The following KRAS variants were observed in gnomAD, a reference collection of about 807,000 sequenced individuals.
The protein encoded by KRAS is KRas proto-oncogene, GTPase, also known as GTPase KRas.
KRAS carries 1 observed loss-of-function variant against 21.0 expected under a neutral mutation model. That is an observed-to-expected ratio of 0.05 (90% CI 0.02 to 0.23). The LOEUF (loss-of-function observed/expected upper bound fraction) is 0.23, where lower values mean the gene tolerates loss of function less well. Ranked by LOEUF, KRAS falls within the 10% of genes least tolerant of loss-of-function variation. The probability of loss-of-function intolerance (pLI) is 1.00; values close to 1 mark genes in which losing one functional copy is unlikely to be tolerated. For synonymous variants in KRAS, 67 were observed against 72.5 expected, an observed-to-expected ratio of 0.92 and a Z score of 0.39; for missense variants, 107 against 221.8, an observed-to-expected ratio of 0.48 and a Z score of 3.29.
chr12:25,250,908 CGCCGCCGCG>C lies in KRAS; in HGVS notation c.-178_-170del, dbSNP rs397517035. ...CCACTGCCGCCGCCGCTGCTGCCTC[CGCCGCCGCG>C]GCCGCCGCCTAGGAAAATCGAGCTC... On this transcript the variant is annotated 5_prime_UTR_variant, in exon 1 of 5. Transcript: ENST00000311936. 20 of 251,066 alleles carry C rather than the reference CGCCGCCGCG, an allele frequency of 8.0e-5. No homozygotes were observed. The highest frequency in any genetic ancestry group is 1.3e-4 in the Non-Finnish European group (18 of 133,416). 15.6% of individuals were successfully genotyped at this position (251,066 alleles called of 1,614,324 possible).
intron 4 of KRAS, among the ~76,000 whole-genome samples, chr12:25,220,788 G>C (rs1428983785): frequency 6.6e-6 from 1 of 151,590 alleles, no homozygotes; most frequent in East Asian, 1.9e-4. Flanking sequence ...ACACTGGGAG[G>C]CTCAGATGGG....
At chr12:25,212,681 A>ATGT (rs1388394433) in intron 4 of KRAS, among the ~76,000 whole-genome samples, 1 of 152,198 alleles carries the variant, frequency 6.6e-6, no homozygotes, top group African/African-American at 2.4e-5. Context: ...ATTCTCACAC[A>ATGT]TACACATAAC....
chr12:25,209,140 C>A lies in KRAS; in HGVS notation c.*655G>T, dbSNP rs1365396577. On this transcript the variant is annotated 3_prime_UTR_variant, in exon 5 of 5. Coordinates refer to ENST00000311936, the MANE Select transcript of KRAS (RefSeq NM_004985.5). ...TTTATCTAATGTGAAAAGGAAATGG[C>A]CTTATAATAGTTTCCATTGCCTTGT... 1.3e-5 allele frequency: 8 copies of A among 623,040 alleles called. No individual in the cohort carries two copies. In the East Asian group the frequency reaches 2.2e-4, roughly 17 times the overall value. 38.6% of individuals were successfully genotyped at this position (623,040 alleles called of 1,614,324 possible).
intron 4 of KRAS, among the ~76,000 whole-genome samples, chr12:25,223,657 GA>G: frequency 6.6e-6 from 1 of 152,266 alleles, no homozygotes; most frequent in South Asian, 2.1e-4. Flanking sequence ...GTATAACTAG[GA>G]AGAGGTACAT....
At chr12:25,228,412 G>C (rs11047904) in intron 2 of KRAS, among the ~76,000 whole-genome samples, 29,631 of 151,662 alleles carry the variant, frequency 0.2, 2,968 homozygotes, top group Middle Eastern at 0.23. Flanking sequence ...ACCACTTCTG[G>C]TCACAACCAT....
chr12:25,232,734 C>A (rs1041399134), intron 2 of KRAS, among the ~76,000 whole-genome samples: 5 of 152,220 alleles, frequency 3.3e-5, no homozygotes, highest in African/African-American at 1.2e-4. Flanking sequence ...TCCCCATAGT[C>A]CCCCCACTCC....
chr12:25,236,190 G>A (rs1462525760), intron 2 of KRAS, among the ~76,000 whole-genome samples: 1 of 152,042 alleles, frequency 6.6e-6, no homozygotes, highest in Non-Finnish European at 1.5e-5. Flanking sequence ...AGGGTCATGT[G>A]TATATTAAGT....
chr12:25,208,591 TTTG>T lies in KRAS; in HGVS notation c.*1201_*1203del, dbSNP rs1951168149. 1 of 232,734 alleles carries T rather than the reference TTTG, an allele frequency of 4.3e-6. No homozygotes were observed. 14.4% of individuals were successfully genotyped at this position (232,734 alleles called of 1,614,324 possible). A position where few individuals can be genotyped will look rare whatever the true frequency, so the allele number is the denominator to read the frequency against. ...TTTAAAAGTAATTTTTAAAAAAGAG[TTTG>T]TTTTCTTAAGAAACAAAAGCAATGC... On this transcript the variant is annotated 3_prime_UTR_variant, in exon 5 of 5. Coordinates refer to ENST00000311936, the MANE Select transcript of KRAS (RefSeq NM_004985.5).
chr12:25,248,398 C>G (rs529163734), intron 1 of KRAS, among the ~76,000 whole-genome samples: 2 of 149,902 alleles, frequency 1.3e-5, no homozygotes, highest in Non-Finnish European at 3.0e-5. Context: ...AGTAGCGGGC[C>G]GAGATCGCGC....
intron 2 of KRAS, chr12:25,234,917 A>G: frequency 8.0e-6 from 2 of 250,424 alleles, no homozygotes; most frequent in Non-Finnish European, 7.7e-6. Flanking sequence ...ACTATATTGT[A>G]GTAAACAAAA....
At position 25,249,591 on chromosome 12, in the gene KRAS, C is replaced by CAA. The variant is rs71065929; in HGVS notation, c.-12+1158_-12+1159dup. Among the ~76,000 whole-genome samples the CAA allele has an allele frequency of 1.6e-3, 98 of 60,834 alleles. 4 individuals are homozygous for CAA. Among genetic ancestry groups the CAA allele is most frequent in the South Asian group, 4.1e-3 (5 of 1,214 alleles). 39.9% of individuals were successfully genotyped at this position (60,834 alleles called of 152,430 possible). On this transcript the variant is annotated intron_variant, in intron 1 of 4. Transcript: ENST00000311936. ...TGGGCAACAGAGCGAGACTGTGTCT[C>CAA]AAAAAAAAAAAAAAAAAGGAGATGC...
At position 25,209,295 on chromosome 12, in the gene KRAS, A is replaced by G. The variant is rs61763588; in HGVS notation, c.*500T>C. Reference sequence around the variant, plus strand: ...TAACTTTACATTCATCAGGGATGACAAACTATAGGACATGATGCCTAGAAG... The same window carrying G: ...TAACTTTACATTCATCAGGGATGACGAACTATAGGACATGATGCCTAGAAG... On this transcript the variant is annotated 3_prime_UTR_variant, in exon 5 of 5. Coordinates refer to ENST00000311936, the MANE Select transcript of KRAS (RefSeq NM_004985.5). 9.9e-4 allele frequency: 644 copies of G among 648,066 alleles called. No individual in the cohort carries two copies. Among genetic ancestry groups the G allele is most frequent in the Non-Finnish European group, 1.6e-3 (568 of 362,940 alleles). The allele number at this position is 648,066 out of a possible 1,614,324, so 40.1% of individuals were successfully genotyped here.
chr12:25,242,244 C>T (rs1188967379), intron 2 of KRAS, among the ~76,000 whole-genome samples: 2 of 152,084 alleles, frequency 1.3e-5, no homozygotes, highest in African/African-American at 4.8e-5. Flanking sequence ...GGAAAAAATA[C>T]TTCCTGCTAT....
At position 25,247,771 on chromosome 12, in the gene KRAS, T is replaced by G. The variant is rs148256901; in HGVS notation, c.-11-2376A>C. 3.2e-4 allele frequency among the ~76,000 whole-genome samples: 48 copies of G among 152,340 alleles called. 1 individual carries two copies. The highest frequency in any genetic ancestry group is 1.1e-3 in the African/African-American group (45 of 41,586). ...AGATGTGTGATCATAATAGATTGAA[T>G]GCAGATGCAGATATAAGAATCCATA... On this transcript the variant is annotated intron_variant, in intron 1 of 4. Coordinates refer to ENST00000311936, the MANE Select transcript of KRAS (RefSeq NM_004985.5).
chr12:25,250,718 GCA>G (rs1951757469), intron 1 of KRAS, 31 bp downstream of exon 1: 1 of 185,296 alleles, frequency 5.4e-6, no homozygotes, highest in Non-Finnish European at 1.1e-5. Flanking sequence ...CGGGACCCGG[GCA>G]GGGGCCCAGG....
intron 4 of KRAS, chr12:25,211,276 A>G (rs1951198032): frequency 6.6e-6 from 1 of 152,236 alleles, no homozygotes; most frequent in African/African-American, 2.4e-5. Flanking sequence ...CTTGAAATTA[A>G]TTTAAAATGT....
intron 4 of KRAS, chr12:25,215,357 G>A: frequency 6.3e-7 from 1 of 1,587,304 alleles, no homozygotes; most frequent in Non-Finnish European, 8.6e-7. Flanking sequence ...CACCTAAGTA[G>A]TTCTAAAGTG....
rs1331494790 is a variant in KRAS, at chr12:25,209,638, C to T, written c.*157G>A. On this transcript the variant is annotated 3_prime_UTR_variant, in exon 5 of 5. Coordinates refer to ENST00000311936, the MANE Select transcript of KRAS (RefSeq NM_004985.5). ...CACTTAGAGGAAAAAAAAACTTCCA[C>T]TGTCATTTTAAAATAAGCATTTAAG... The T allele has an allele frequency of 1.5e-6, 2 of 1,360,930 alleles. No homozygotes were observed. The highest frequency in any genetic ancestry group is 2.8e-5 in the East Asian group (1 of 35,508). 84.3% of individuals were successfully genotyped at this position (1,360,930 alleles called of 1,614,324 possible).
At chr12:25,231,964 CA>C (rs1565886841) in intron 2 of KRAS, among the ~76,000 whole-genome samples, 2 of 152,084 alleles carry the variant, frequency 1.3e-5, no homozygotes, top group East Asian at 3.9e-4. Context: ...CCATAAGAAA[CA>C]GTCATCCCTG....
Sources: allele counts gnomAD v4.1 joint callset (sites outside exome capture counted in the v4.1 genomes callset), GRCh38; gene constraint gnomAD v4.1.1; transcripts MANE v1.5; gene names NCBI Gene and HGNC (gene_info 2026-07-23, HGNC 2026-07-21).